The following PTN variants were observed in gnomAD, a reference collection of about 807,000 sequenced individuals.
PTN encodes pleiotrophin.
PTN carries 18 observed loss-of-function variants against 24.1 expected under a neutral mutation model. That is an observed-to-expected ratio of 0.75 (90% CI 0.52 to 1.11). The LOEUF is 1.11. PTN is among the 50% of genes least tolerant of loss of function. PTN has a pLI of 0.00. For synonymous variants in PTN, 78 were observed against 68.6 expected (o/e 1.14, Z -0.67); for missense variants, 163 against 198.8 (o/e 0.82, Z 1.08).
rs534227407 is a variant in PTN, at chr7:137,261,994, T to A, written c.-1-7020A>T. The stretch of plus-strand genomic sequence containing the variant: ...GGGAAGTTAGAATAATATCTTTAGG[T>A]TCTATGGCTAGTTTTGGGGAAAAAG... On this transcript the variant is annotated intron_variant, in intron 1 of 4. Transcript: ENST00000348225. 2.0e-5 allele frequency among the ~76,000 whole-genome samples: 3 copies of A among 151,586 alleles called. No individual in the cohort carries two copies. The East Asian group carries it at 5.9e-4, about 30-fold the overall frequency.
intron 1 of PTN, among the ~76,000 whole-genome samples, chr7:137,273,964 T>C (rs1480681121): frequency 6.6e-6 from 1 of 152,198 alleles, no homozygotes; most frequent in Non-Finnish European, 1.5e-5. Context: ...CTTTTGCTTA[T>C]TTGTTTATTA....
intron 1 of PTN, among the ~76,000 whole-genome samples, chr7:137,262,608 A>C (rs1809061566): frequency 6.6e-6 from 1 of 152,024 alleles, no homozygotes; most frequent in Admixed American, 6.5e-5. Flanking sequence ...TAGCGTCTTA[A>C]AATCCGAGCT....
rs73452935 is a variant in PTN, at chr7:137,234,790, G to A, written c.452-6715C>T. Among the ~76,000 whole-genome samples the A allele has an allele frequency of 3.3e-3, 507 of 152,108 alleles. 5 individuals are homozygous for A. The highest frequency in any genetic ancestry group is 0.011 in the African/African-American group (477 of 41,504). The stretch of plus-strand genomic sequence containing the variant: ...TACTTATTTTCAGATGGCCTGCTGT[G>A]TATACAGAAAAACTAAAAAGGAAAT... On this transcript the variant is annotated intron_variant, in intron 4 of 4. Transcript: ENST00000348225.
intron 1 of PTN, among the ~76,000 whole-genome samples, chr7:137,267,228 A>AT (rs1264737367): frequency 1.3e-5 from 2 of 149,554 alleles, no homozygotes; most frequent in East Asian, 4.0e-4. Context: ...TTCTGCCTCT[A>AT]TCTTTCTCTG....
intron 1 of PTN, among the ~76,000 whole-genome samples, chr7:137,270,394 C>G (rs960158946): frequency 3.3e-5 from 5 of 152,154 alleles, no homozygotes; most frequent in Non-Finnish European, 7.4e-5. Context: ...TTATTTTTGT[C>G]ATACAGTCAA....
rs191884050 is a variant in PTN, at chr7:137,280,458, G to A, written c.-1-25484C>T. Reference sequence around the variant, plus strand: ...AAGACATAGAGTAAGGACTGAAGAAGTAAGCAAGAGGCGAGAATTCTAGTT... The same window carrying A: ...AAGACATAGAGTAAGGACTGAAGAAATAAGCAAGAGGCGAGAATTCTAGTT... On this transcript the variant is annotated intron_variant, in intron 1 of 4. Transcript: ENST00000348225. Among the ~76,000 whole-genome samples, 145 of 151,760 alleles carry A rather than the reference G, an allele frequency of 9.6e-4. 1 individual carries two copies. Among genetic ancestry groups the A allele is most frequent in the Admixed American group, 6.6e-3 (100 of 15,188 alleles).
intron 1 of PTN, among the ~76,000 whole-genome samples, chr7:137,328,592 C>T (rs1389848572): frequency 6.6e-6 from 1 of 152,178 alleles, no homozygotes; most frequent in Non-Finnish European, 1.5e-5. Flanking sequence ...GGCACTGTGG[C>T]CTCCCCAAGG....
chr7:137,238,575 T>C (rs1325070952), intron 4 of PTN, among the ~76,000 whole-genome samples: 2 of 152,148 alleles, frequency 1.3e-5, no homozygotes, highest in African/African-American at 2.4e-5. Context: ...TCTTTTAGAA[T>C]ACCTAAAGAG....
At chr7:137,329,988 T>G (rs1041337340) in intron 1 of PTN, among the ~76,000 whole-genome samples, 2 of 152,108 alleles carry the variant, frequency 1.3e-5, no homozygotes, top group African/African-American at 4.8e-5. Flanking sequence ...AACCTCCACA[T>G]GAAAATAATG....
intron 1 of PTN, among the ~76,000 whole-genome samples, chr7:137,335,776 T>G (rs1384907537): frequency 6.6e-6 from 1 of 152,200 alleles, no homozygotes; most frequent in South Asian, 2.1e-4. Context: ...GAACTGCTGT[T>G]AGCCAATTAC....
At chr7:137,240,375 T>C (rs945512466) in intron 4 of PTN, among the ~76,000 whole-genome samples, 2 of 152,012 alleles carry the variant, frequency 1.3e-5, no homozygotes, top group Non-Finnish European at 1.5e-5. Flanking sequence ...TCTCCACTTC[T>C]CTGTCTCATA....
chr7:137,288,883 G>T (rs904088431), intron 1 of PTN, among the ~76,000 whole-genome samples: 6 of 152,072 alleles, frequency 3.9e-5, no homozygotes, highest in Non-Finnish European at 8.8e-5. Context: ...ATTTTAAAAC[G>T]CCAAGAGAAT....
chr7:137,250,401 T>C (rs981566926), intron 4 of PTN, among the ~76,000 whole-genome samples: 8 of 152,196 alleles, frequency 5.3e-5, no homozygotes, highest in Non-Finnish European at 1.2e-4. Context: ...CTAATCTCCC[T>C]TCTTATAAAC....
intron 1 of PTN, among the ~76,000 whole-genome samples, chr7:137,266,026 CTTAAT>C (rs1408986001): frequency 6.6e-6 from 1 of 151,914 alleles, no homozygotes; most frequent in Non-Finnish European, 1.5e-5. Flanking sequence ...TAATGTTAAA[CTTAAT>C]TTTAATAAAA....
intron 1 of PTN, among the ~76,000 whole-genome samples, chr7:137,313,182 C>A (rs1415077299): frequency 6.6e-6 from 1 of 152,108 alleles, no homozygotes; most frequent in African/African-American, 2.4e-5. Context: ...TTCCCCACCT[C>A]CAAATATATA....
At chr7:137,268,155 C>T (rs561551256) in intron 1 of PTN, among the ~76,000 whole-genome samples, 6 of 152,058 alleles carry the variant, frequency 3.9e-5, no homozygotes, top group Non-Finnish European at 8.8e-5. Context: ...TGATCCTCCA[C>T]GGGGGCCTGC....
At chr7:137,245,628 G>A (rs550991962) in intron 4 of PTN, among the ~76,000 whole-genome samples, 25 of 152,022 alleles carry the variant, frequency 1.6e-4, no homozygotes, top group African/African-American at 5.8e-4. Context: ...AAAGTTAACT[G>A]TAAAACAGCT....
intron 1 of PTN, among the ~76,000 whole-genome samples, chr7:137,292,145 C>T (rs1809647358): frequency 6.6e-6 from 1 of 152,128 alleles, no homozygotes; most frequent in East Asian, 1.9e-4. Flanking sequence ...CATACCTTGT[C>T]ATTGGTGGGG....
intron 1 of PTN, among the ~76,000 whole-genome samples, chr7:137,259,702 A>C (rs2128872343): frequency 6.6e-6 from 1 of 151,802 alleles, no homozygotes; most frequent in Non-Finnish European, 1.5e-5. Flanking sequence ...AGAGAGAGAG[A>C]GACATGATTT....
Sources: allele counts gnomAD v4.1 joint callset (sites outside exome capture counted in the v4.1 genomes callset), GRCh38; gene constraint gnomAD v4.1.1; transcripts MANE v1.5; gene names NCBI Gene and HGNC (gene_info 2026-07-23, HGNC 2026-07-21).